CASP6: variants seen among roughly 807,000 people sequenced by gnomAD.
CASP6 encodes caspase-6.
CASP6 carries 20 observed loss-of-function variants against 31.8 expected under a neutral mutation model. The ratio of observed to expected loss-of-function variants is 0.63; its 90% CI spans 0.44 to 0.91. CASP6 has a LOEUF of 0.91. Among genes scored for constraint, CASP6 ranks in the 40% least tolerant of loss-of-function variants. CASP6 has a pLI of 0.00. For synonymous variants in CASP6, 130 were observed against 127.8 expected (o/e 1.02, Z -0.12); for missense variants, 328 against 361.1 (o/e 0.91, Z 0.74).
upstream of CASP6, among the ~76,000 whole-genome samples, chr4:109,708,085 A>G (rs1483447473): frequency 6.6e-6 from 1 of 152,248 alleles, no homozygotes; most frequent in Non-Finnish European, 1.5e-5. Context: ...AGAAATAAGT[A>G]TAAGGAACTC....
chr4:109,669,596 A>G, the CASP6 span, among the ~76,000 whole-genome samples: 1 of 151,746 alleles, frequency 6.6e-6, no homozygotes, highest in African/African-American at 2.4e-5. Context: ...TCCTTAATCA[A>G]ATAATTCTTC....
chr4:109,692,909 C>T lies in CASP6; in HGVS notation c.483+1616G>A, dbSNP rs5030580. On this transcript the variant is annotated intron_variant, in intron 5 of 6. Transcript: ENST00000265164. ...GCGAAATGCAGTTTCATGTTTGATA[C>T]GGTTTGAACGTCTGTCCCCTCCAAA... is the stretch of plus-strand genomic sequence containing the variant. 9.3e-3 allele frequency among the ~76,000 whole-genome samples: 1,415 copies of T among 152,292 alleles called. 17 individuals are homozygous for T. The highest frequency in any genetic ancestry group is 0.032 in the African/African-American group (1,323 of 41,564).
At position 109,689,313 on chromosome 4, in the gene CASP6, T is replaced by C. The variant is rs375842091; in HGVS notation, c.*17A>G. The stretch of plus-strand genomic sequence containing the variant: ...CCATTTTCAATACAGAGTGTAAAAT[T>C]AGATAGCCTCTATTAATTAATTAGA... On this transcript the variant is annotated 3_prime_UTR_variant, in exon 7 of 7. Transcript: ENST00000265164. 25 of 1,608,330 alleles carry C rather than the reference T, an allele frequency of 1.6e-5. No individual in the cohort carries two copies. The highest frequency in any genetic ancestry group is 1.7e-4 in the Middle Eastern group (1 of 6,060).
chr4:109,678,445 C>T, the CASP6 span, among the ~76,000 whole-genome samples: 45 of 146,500 alleles, frequency 3.1e-4, no homozygotes, highest in African/African-American at 1.0e-3. Context: ...GATGGGCGGG[C>T]GGGCAGAGAC....
At position 109,689,107 on chromosome 4, in the gene CASP6, C is replaced by G. The variant is rs1263946681; in HGVS notation, c.*223G>C. 6 of 391,340 alleles carry G rather than the reference C, an allele frequency of 1.5e-5. No homozygotes were observed. The highest frequency in any genetic ancestry group is 1.2e-4 in the African/African-American group (6 of 49,474). 24.2% of individuals were successfully genotyped at this position (391,340 alleles called of 1,614,324 possible). ...TCTCCTGCCTCAGCCTTCCAAGTAGCTGGGATTGCAGGCATGCGCCGCCAT... is the reference window on the plus strand; with the variant it reads ...TCTCCTGCCTCAGCCTTCCAAGTAGGTGGGATTGCAGGCATGCGCCGCCAT... On this transcript the variant is annotated 3_prime_UTR_variant, in exon 7 of 7. Transcript: ENST00000265164.
chr4:109,682,088 A>C, the CASP6 span, among the ~76,000 whole-genome samples: 1 of 152,114 alleles, frequency 6.6e-6, no homozygotes, highest in African/African-American at 2.4e-5. Context: ...GTTGGGTGTG[A>C]GCCAAGTTGC....
intron 2 of CASP6, 151 bp downstream of exon 2, chr4:109,698,149 T>C: frequency 4.0e-6 from 3 of 741,192 alleles, no homozygotes; most frequent in Non-Finnish European, 6.6e-6. Flanking sequence ...CAGCACAACC[T>C]GCCTATCTAC....
chr4:109,694,521 T>C lies in CASP6; in HGVS notation c.483+4A>G, dbSNP rs4986787. The C allele has an allele frequency of 4.3e-3, 6,853 of 1,595,082 alleles. 34 individuals carry two copies. Among genetic ancestry groups the C allele is most frequent in the Non-Finnish European group, 5.3e-3 (6,214 of 1,171,834 alleles). On this transcript the variant is annotated splice_donor_region_variant and intron_variant, in intron 5 of 6. Coordinates refer to ENST00000265164, the MANE Select transcript of CASP6 (RefSeq NM_001226.4). ...AATTAAGATGATAATGTACTCAGTCTTACCTGAATGATAAATATCTTGGGT... is the reference window on the plus strand; with the variant it reads ...AATTAAGATGATAATGTACTCAGTCCTACCTGAATGATAAATATCTTGGGT...
At chr4:109,705,997 AAAAAATAT>A (rs1375315278), upstream of CASP6, among the ~76,000 whole-genome samples, 12 of 47,430 alleles carry the variant, frequency 2.5e-4, no homozygotes, top group African/African-American at 2.2e-4. Flanking sequence ...AAAAAAAAAA[AAAAAATAT>A]ATATATATAT....
intron 1 of CASP6, among the ~76,000 whole-genome samples, chr4:109,698,700 T>C (rs1208788045): frequency 6.6e-6 from 1 of 151,612 alleles, no homozygotes; most frequent in East Asian, 1.9e-4. Context: ...TTTTTGCACA[T>C]TTTCTGAAAA....
the CASP6 span, among the ~76,000 whole-genome samples, chr4:109,669,367 G>A: frequency 6.6e-6 from 1 of 152,076 alleles, no homozygotes; most frequent in Non-Finnish European, 1.5e-5. Flanking sequence ...TATGATTTCA[G>A]AGAAGTCAGG....
At chr4:109,683,574 G>C in the CASP6 span, among the ~76,000 whole-genome samples, 1 of 152,074 alleles carries the variant, frequency 6.6e-6, no homozygotes, top group Non-Finnish European at 1.5e-5. Flanking sequence ...CTTTATCTGT[G>C]TACAAACAAA....
downstream of CASP6, chr4:109,687,616 G>C (rs1729880877): frequency 6.6e-7 from 1 of 1,504,068 alleles, no homozygotes; most frequent in Non-Finnish European, 9.2e-7. Flanking sequence ...AATGTCGTCA[G>C]ATTTTCCATT....
At chr4:109,696,942 C>A (rs1245919024) in intron 3 of CASP6, among the ~76,000 whole-genome samples, 1 of 151,958 alleles carries the variant, frequency 6.6e-6, no homozygotes, top group Non-Finnish European at 1.5e-5. Flanking sequence ...CCCACCACCA[C>A]GCCCGGCTAA....
chr4:109,705,076 C>T (rs1730557068), upstream of CASP6, among the ~76,000 whole-genome samples: 1 of 152,156 alleles, frequency 6.6e-6, no homozygotes, highest in African/African-American at 2.4e-5. Flanking sequence ...ACTTTCATAG[C>T]TAGAGAGAAG....
At chr4:109,667,444 T>A in the CASP6 span, among the ~76,000 whole-genome samples, 1 of 152,032 alleles carries the variant, frequency 6.6e-6, no homozygotes, top group South Asian at 2.1e-4. Flanking sequence ...CTCATTTCAT[T>A]TCTACCATGA....
At chr4:109,685,017 C>T, downstream of CASP6, 1 of 407,902 alleles carries the variant, frequency 2.5e-6, no homozygotes, top group Admixed American at 4.1e-5. Context: ...CTTCTTCTTT[C>T]CCATTATGTG....
chr4:109,701,991 A>G (rs573549698), intron 1 of CASP6, among the ~76,000 whole-genome samples: 1 of 152,258 alleles, frequency 6.6e-6, no homozygotes, highest in Non-Finnish European at 1.5e-5. Context: ...GTCTTCATTC[A>G]CTGCACTCTC....
upstream of CASP6, chr4:109,703,625 G>A (rs1342147113): frequency 3.5e-6 from 2 of 578,232 alleles, no homozygotes; most frequent in African/African-American, 2.0e-5. Context: ...AAGAGCGCGG[G>A]GGCAGGGAGA....
Sources: gnomAD v4.1 joint callset for allele counts (sites outside exome capture counted in the v4.1 genomes callset) on GRCh38, gnomAD v4.1.1 for gene constraint, MANE v1.5 for transcripts, NCBI Gene and HGNC (gene_info 2026-07-23, HGNC 2026-07-21) for gene names.